The following CFAP61 variants were observed in gnomAD, a reference collection of about 807,000 sequenced individuals.
CFAP61 encodes the protein cilia and flagella associated protein 61.
A neutral mutation model predicts 135.6 loss-of-function variants in CFAP61; 107 were observed. The observed-to-expected ratio is 0.79, with a 90% CI of 0.67 to 0.93. The LOEUF (loss-of-function observed/expected upper bound fraction) is 0.93, where lower values mean the gene tolerates loss of function less well. CFAP61 is among the 40% of genes least tolerant of loss of function. CFAP61 has a pLI of 0.00. For missense variants in CFAP61, 1,507 were observed against 1,556.2 expected, an observed-to-expected ratio of 0.97 and a Z score of 0.53; for synonymous variants, 575 against 578.5, an observed-to-expected ratio of 0.99 and a Z score of 0.09.
In CFAP61 at chr20:20,191,186, G is replaced by A. The variant is rs566765068; in HGVS notation, c.1513-156G>A. 2.0e-3 allele frequency among the ~76,000 whole-genome samples: 300 copies of A among 152,106 alleles called. 1 individual carries two copies. The highest frequency in any genetic ancestry group is 3.0e-3 in the Non-Finnish European group (206 of 67,998). On this transcript the variant is annotated intron_variant, in intron 14 of 26. Coordinates refer to ENST00000245957, the MANE Select transcript of CFAP61 (RefSeq NM_015585.4). ...TTGGTGTGAGGATCCGGTGGACATA[G>A]GGAAGGCGTTTAACTTACTACCTGG...
chr20:20,193,022 G>A (rs1452336515), intron 15 of CFAP61, among the ~76,000 whole-genome samples: 1 of 152,134 alleles, frequency 6.6e-6, no homozygotes, highest in Non-Finnish European at 1.5e-5. Context: ...TGGGGGTGTG[G>A]CAGAGTCACT....
intron 20 of CFAP61, among the ~76,000 whole-genome samples, chr20:20,262,170 T>C (rs1269750251): frequency 1.3e-5 from 2 of 152,212 alleles, no homozygotes; most frequent in African/African-American, 2.4e-5. Context: ...TTCCAGAGCC[T>C]TGCCCCTCCT....
chr20:20,067,645 A>ATG lies in CFAP61; in HGVS notation c.144-3208_144-3207insGT, dbSNP rs1491485638. ...TGACACAGCGAGACTCCATCTCAAA[A>ATG]TATATATATATATATATAATATATA... On this transcript the variant is annotated intron_variant, in intron 2 of 26. Coordinates refer to ENST00000245957, the MANE Select transcript of CFAP61 (RefSeq NM_015585.4). Among the ~76,000 whole-genome samples the ATG allele has an allele frequency of 7.4e-4, 41 of 55,090 alleles. No homozygotes were observed. In the Admixed American group the frequency reaches 9.0e-3, roughly 12 times the overall value. The allele number at this position is 55,090 out of a possible 152,430, so 36.1% of individuals were successfully genotyped here.
chr20:20,329,320 T>G (rs1463584509), intron 25 of CFAP61, among the ~76,000 whole-genome samples: 6 of 152,130 alleles, frequency 3.9e-5, no homozygotes, highest in Admixed American at 3.9e-4. Context: ...GTCTCCACTT[T>G]AAAAAAGGAA....
intron 13 of CFAP61, among the ~76,000 whole-genome samples, chr20:20,181,590 C>T (rs574452096): frequency 3.3e-5 from 5 of 152,054 alleles, no homozygotes; most frequent in East Asian, 1.9e-4. Context: ...CTAATAGATT[C>T]GGGCATTCAA....
At chr20:20,304,026 C>T (rs2122158793) in intron 25 of CFAP61, among the ~76,000 whole-genome samples, 1 of 152,272 alleles carries the variant, frequency 6.6e-6, no homozygotes, top group African/African-American at 2.4e-5. Flanking sequence ...GCCGAGGCCT[C>T]CCAGGCAGAC....
At chr20:20,257,628 CAA>C (rs79177514) in intron 20 of CFAP61, among the ~76,000 whole-genome samples, 10 of 36,840 alleles carry the variant, frequency 2.7e-4, no homozygotes, top group Non-Finnish European at 3.7e-4. Flanking sequence ...AACAAAAAAA[CAA>C]AAAAAAAAAA....
At chr20:20,076,844 A>T (rs2046085069) in intron 6 of CFAP61, among the ~76,000 whole-genome samples, 1 of 152,142 alleles carries the variant, frequency 6.6e-6, no homozygotes, top group African/African-American at 2.4e-5. Context: ...CCTGCTCACG[A>T]GGTGGGTTAA....
Position 20,056,691 on chromosome 20 carries a change from T to C in CFAP61, c.38T>C (p.Val13Ala). The change falls in exon 2 of 27, where the codon GTT becomes GCT. Residue 13 changes from valine to alanine, a missense_variant. Physicochemically the swap from Val to Ala is moderately conservative, Grantham distance 64 (BLOSUM62 0). Coordinates refer to ENST00000245957, the MANE Select transcript of CFAP61 (RefSeq NM_015585.4). ...ACTTCTCCAAGAGGAAAGGTAGAAG[T>C]TGTTCATTGCCGAAGAACAGAATCA... ...VLTSPRGKVE[V>A]VHCRRTESQD... is the part of the protein sequence containing the mutation. The C allele has an allele frequency of 2.5e-6, 4 of 1,614,200 alleles. No individual in the cohort carries two copies. Among genetic ancestry groups the C allele is most frequent in the Non-Finnish European group, 3.4e-6 (4 of 1,180,016 alleles).
chr20:20,283,437 CTT>C (rs1410848469), intron 22 of CFAP61, among the ~76,000 whole-genome samples: 1 of 152,150 alleles, frequency 6.6e-6, no homozygotes, highest in African/African-American at 2.4e-5. Context: ...TTATCTGTGT[CTT>C]TGTGTCTAAA....
At chr20:20,053,185 TATA>T (rs2043903406) in intron 1 of CFAP61, among the ~76,000 whole-genome samples, 1 of 152,230 alleles carries the variant, frequency 6.6e-6, no homozygotes, top group Non-Finnish European at 1.5e-5. Context: ...TGTTAGCTGT[TATA>T]ATACTTAACC....
rs2055239486 is a variant in CFAP61, at chr20:20,183,157, TC to T, written c.1386-4772del. Among the ~76,000 whole-genome samples, 3 of 29,696 alleles carry T rather than the reference TC, an allele frequency of 1.0e-4. No individual in the cohort carries two copies. In the South Asian group the frequency reaches 2.9e-3, roughly 28 times the overall value. The allele number at this position is 29,696 out of a possible 152,430, so 19.5% of individuals were successfully genotyped here. A position where few individuals can be genotyped will look rare whatever the true frequency, so the allele number is the denominator to read the frequency against. On this transcript the variant is annotated intron_variant, in intron 13 of 26. Coordinates refer to ENST00000245957, the MANE Select transcript of CFAP61 (RefSeq NM_015585.4). Reference sequence around the variant, plus strand: ...CTTCTGATTTTTTTTTCTTTTCTTTTCTTTTTTTTTTTTTTTAGATAGAGTC... The same window carrying T: ...CTTCTGATTTTTTTTTCTTTTCTTTTTTTTTTTTTTTTTTTAGATAGAGTC...
intron 8 of CFAP61, among the ~76,000 whole-genome samples, chr20:20,105,073 C>T (rs2048284417): frequency 6.6e-6 from 1 of 152,056 alleles, no homozygotes; most frequent in Non-Finnish European, 1.5e-5. Context: ...ATCGTACTGC[C>T]TTCCTCTGGT....
At chr20:20,166,458 A>C (rs2053839367) in intron 12 of CFAP61, 22 bp downstream of exon 12, 1 of 1,593,956 alleles carries the variant, frequency 6.3e-7, no homozygotes, top group Non-Finnish European at 8.6e-7. Context: ...CTGAATTTTG[A>C]GAACTGATTT....
intron 20 of CFAP61, among the ~76,000 whole-genome samples, chr20:20,259,143 G>A (rs942439290): frequency 2.7e-5 from 4 of 150,210 alleles, no homozygotes; most frequent in African/African-American, 9.8e-5. Flanking sequence ...AAAAGAAAAA[G>A]TTTATTTCCT....
At chr20:20,156,885 G>A (rs2052956358) in intron 9 of CFAP61, among the ~76,000 whole-genome samples, 1 of 152,110 alleles carries the variant, frequency 6.6e-6, no homozygotes, top group South Asian at 2.1e-4. Context: ...CTATGTTCGT[G>A]GGATATTGAA....
At chr20:20,288,516 C>T (rs537841626) in intron 22 of CFAP61, 93 bp from the exon 23 acceptor site, 77 of 966,936 alleles carry the variant, frequency 8.0e-5, no homozygotes, top group Non-Finnish European at 1.1e-4. Flanking sequence ...TTTTGTGCCC[C>T]GAATAATAAA....
At chr20:20,269,889 C>T (rs1479348088) in intron 21 of CFAP61, among the ~76,000 whole-genome samples, 1 of 136,630 alleles carries the variant, frequency 7.3e-6, no homozygotes, top group Non-Finnish European at 1.7e-5. Flanking sequence ...CCTGGTGACC[C>T]ACCTGCTTGC....
At position 20,075,193 on chromosome 20, in the gene CFAP61, G is replaced by A. The variant is rs776151243; in HGVS notation, c.376G>A (p.Val126Met). 3.2e-5 allele frequency: 52 copies of A among 1,613,878 alleles called. No homozygotes were observed. Among genetic ancestry groups the A allele is most frequent in the African/African-American group, 1.2e-4 (9 of 74,894 alleles). The change falls in exon 5 of 27, where the codon GTG becomes ATG. Residue 126 changes from valine (V) to methionine (M), a missense_variant. Transcript: ENST00000245957. ...VGCCKEILRT[V>M]YKAVPELHFI... ...CACCCTCTCTTTCCTCACCAGAACC[G>A]TGTATAAGGCAGTGCCAGAGCTGCA...
Sources: gnomAD v4.1 joint callset for allele counts (sites outside exome capture counted in the v4.1 genomes callset) on GRCh38, gnomAD v4.1.1 for gene constraint, MANE v1.5 for transcripts, NCBI Gene and HGNC (gene_info 2026-07-23, HGNC 2026-07-21) for gene names.